OSBPL10: variants seen among roughly 807,000 people sequenced by gnomAD.
The protein encoded by OSBPL10 is oxysterol-binding protein-related protein 10.
Under a neutral mutation model 81.7 loss-of-function variants are expected in OSBPL10, and 49 were observed. That is an observed-to-expected ratio of 0.60 (90% CI 0.48 to 0.76). The LOEUF (loss-of-function observed/expected upper bound fraction) is 0.76, where lower values mean the gene tolerates loss of function less well. OSBPL10 is among the 30% of genes least tolerant of loss of function. OSBPL10 has a pLI of 0.00. For synonymous variants in OSBPL10, 419 were observed against 383.6 expected, an observed-to-expected ratio of 1.09 and a Z score of -1.08; for missense variants, 923 against 987.8, an observed-to-expected ratio of 0.93 and a Z score of 0.88.
intron 1 of OSBPL10, among the ~76,000 whole-genome samples, chr3:32,047,304 G>T (rs370059550): frequency 6.6e-6 from 1 of 152,072 alleles, no homozygotes; most frequent in African/African-American, 2.4e-5. Flanking sequence ...GAGAAGTAAA[G>T]AAACAAAATA....
intron 2 of OSBPL10, among the ~76,000 whole-genome samples, chr3:32,026,533 A>G (rs1040724972): frequency 2.0e-5 from 3 of 152,178 alleles, no homozygotes; most frequent in Admixed American, 6.5e-5. Context: ...GGAACCCTTA[A>G]AGGAACTATA....
At chr3:32,073,677 C>A (rs1428159883) in intron 1 of OSBPL10, among the ~76,000 whole-genome samples, 3 of 152,140 alleles carry the variant, frequency 2.0e-5, no homozygotes, top group Non-Finnish European at 4.4e-5. Flanking sequence ...GACTGCACCC[C>A]AAAAAACTTG....
intron 2 of OSBPL10, among the ~76,000 whole-genome samples, chr3:32,045,009 T>C (rs1699609685): frequency 6.6e-6 from 1 of 152,240 alleles, no homozygotes; most frequent in East Asian, 1.9e-4. Context: ...TGTGTCTTCC[T>C]ATTAAAATTA....
At chr3:31,734,618 G>C (rs1206144758) in intron 5 of OSBPL10, among the ~76,000 whole-genome samples, 1 of 152,092 alleles carries the variant, frequency 6.6e-6, no homozygotes, top group African/African-American at 2.4e-5. Flanking sequence ...CAAGCCTGTA[G>C]TCCCAGCTAC....
chr3:32,011,160 C>T (rs1165888136), intron 2 of OSBPL10, among the ~76,000 whole-genome samples: 6 of 152,232 alleles, frequency 3.9e-5, no homozygotes, highest in Admixed American at 3.9e-4. Context: ...GGGTCCCTGA[C>T]CCCCGAGTAG....
chr3:31,955,046 A>G (rs984408923), intron 1 of OSBPL10, among the ~76,000 whole-genome samples: 4 of 152,348 alleles, frequency 2.6e-5, no homozygotes, highest in South Asian at 2.1e-4. Context: ...GGGGGCAGTT[A>G]GCCACATAGA....
intron 3 of OSBPL10, among the ~76,000 whole-genome samples, chr3:31,853,610 T>C (rs1289568931): frequency 1.3e-5 from 2 of 152,168 alleles, no homozygotes; most frequent in African/African-American, 4.8e-5. Flanking sequence ...ACTTAAATAT[T>C]AACCCCAAAA....
intron 1 of OSBPL10, among the ~76,000 whole-genome samples, chr3:31,892,991 A>G (rs995791546): frequency 2.6e-5 from 4 of 152,142 alleles, no homozygotes; most frequent in African/African-American, 9.7e-5. Context: ...GCACCCATAC[A>G]TCCTTGGTCA....
chr3:31,956,218 G>A (rs1307255689), intron 1 of OSBPL10, among the ~76,000 whole-genome samples: 1 of 152,198 alleles, frequency 6.6e-6, no homozygotes, highest in African/African-American at 2.4e-5. Flanking sequence ...CTATATAAAT[G>A]CCTGCTAGAG....
chr3:31,821,603 G>A (rs180858469), intron 4 of OSBPL10, among the ~76,000 whole-genome samples: 7 of 152,252 alleles, frequency 4.6e-5, no homozygotes, highest in African/African-American at 1.7e-4. Context: ...TTTGAAAACC[G>A]ATGTTTGAAA....
At chr3:31,868,596 G>C (rs991244965) in intron 3 of OSBPL10, among the ~76,000 whole-genome samples, 1 of 151,858 alleles carries the variant, frequency 6.6e-6, no homozygotes, top group Non-Finnish European at 1.5e-5. Flanking sequence ...ATTACACTTC[G>C]TGTACAAGTC....
At chr3:32,012,493 A>G (rs1644672714) in intron 2 of OSBPL10, among the ~76,000 whole-genome samples, 2 of 152,244 alleles carry the variant, frequency 1.3e-5, no homozygotes, top group South Asian at 2.1e-4. Context: ...AAAACATGCC[A>G]AATTGTAAAG....
At chr3:31,980,779 G>T in intron 1 of OSBPL10, 120 bp downstream of exon 1, 2 of 1,258,580 alleles carry the variant, frequency 1.6e-6, no homozygotes, top group Non-Finnish European at 2.1e-6. Context: ...GGCATCACTG[G>T]GTTCGCTGAA....
intron 6 of OSBPL10, 43 bp from the exon 7 acceptor site, chr3:31,702,551 G>T (rs1454254703): frequency 6.2e-7 from 1 of 1,611,268 alleles, no homozygotes; most frequent in Admixed American, 1.7e-5. Flanking sequence ...TGGCCCAATA[G>T]AAGTTAGAAA....
chr3:31,929,960 C>T (rs1697190637), intron 1 of OSBPL10, among the ~76,000 whole-genome samples: 1 of 140,060 alleles, frequency 7.1e-6, no homozygotes, highest in South Asian at 2.3e-4. Flanking sequence ...GACTGCACCA[C>T]TGCCCTCCAG....
At chr3:31,729,957 C>T (rs1008135665) in intron 6 of OSBPL10, among the ~76,000 whole-genome samples, 1 of 152,218 alleles carries the variant, frequency 6.6e-6, no homozygotes, top group African/African-American at 2.4e-5. Context: ...CACACAAATG[C>T]ATCTCCCAGT....
At chr3:31,948,503 C>G (rs1443540736) in intron 1 of OSBPL10, among the ~76,000 whole-genome samples, 2 of 152,164 alleles carry the variant, frequency 1.3e-5, no homozygotes, top group African/African-American at 4.8e-5. Context: ...AGCACTTTAG[C>G]CTCAGAGTGA....
chr3:31,733,826 C>T (rs1278621458), intron 5 of OSBPL10, among the ~76,000 whole-genome samples: 7 of 150,516 alleles, frequency 4.7e-5, no homozygotes, highest in South Asian at 2.1e-4. Flanking sequence ...CTGGCTAACA[C>T]GGTGAAACTC....
intron 1 of OSBPL10, among the ~76,000 whole-genome samples, chr3:31,949,667 C>CAAAAAAAAAAAAAAA (rs56002214): frequency 1.1e-4 from 3 of 26,230 alleles, no homozygotes; most frequent in African/African-American, 5.0e-4. Flanking sequence ...GACTCTGTCT[C>CAAAAAAAAAAAAAAA]AAAAAAAAAA....
Sources: allele counts gnomAD v4.1 joint callset (sites outside exome capture counted in the v4.1 genomes callset), GRCh38; gene constraint gnomAD v4.1.1; transcripts MANE v1.5; gene names NCBI Gene and HGNC (gene_info 2026-07-23, HGNC 2026-07-21).